The following PCSK2 variants were observed in gnomAD, a reference collection of about 807,000 sequenced individuals.
PCSK2 encodes neuroendocrine convertase 2.
PCSK2 carries 14 observed loss-of-function variants against 69.7 expected under a neutral mutation model. The ratio of observed to expected loss-of-function variants is 0.20; its 90% CI spans 0.13 to 0.31. The LOEUF (loss-of-function observed/expected upper bound fraction) is 0.31, where lower values mean the gene tolerates loss of function less well. PCSK2 is among the 10% of genes least tolerant of loss of function. The probability of loss-of-function intolerance (pLI) is 1.00; values close to 1 mark genes in which losing one functional copy is unlikely to be tolerated. For missense variants in PCSK2, 544 were observed against 842.5 expected, an observed-to-expected ratio of 0.65 and a Z score of 4.39; for synonymous variants, 307 against 320.7, an observed-to-expected ratio of 0.96 and a Z score of 0.46.
At chr20:17,262,626 A>G (rs1987434576) in intron 2 of PCSK2, among the ~76,000 whole-genome samples, 1 of 152,242 alleles carries the variant, frequency 6.6e-6, no homozygotes, top group African/African-American at 2.4e-5. Flanking sequence ...GACTATGAAC[A>G]GTGCAAAGAT....
At chr20:17,464,061 T>C (rs1011125348) in intron 10 of PCSK2, 1 of 152,204 alleles carries the variant, frequency 6.6e-6, no homozygotes, top group Non-Finnish European at 1.5e-5. Flanking sequence ...GTTCCATTCA[T>C]TTTTTAAAAT....
At chr20:17,364,361 A>G (rs917150539) in intron 4 of PCSK2, among the ~76,000 whole-genome samples, 1 of 152,210 alleles carries the variant, frequency 6.6e-6, no homozygotes, top group Non-Finnish European at 1.5e-5. Flanking sequence ...ATAATCCTGT[A>G]TTAGTCCATC....
chr20:17,460,325 G>A (rs1043669564), intron 10 of PCSK2, among the ~76,000 whole-genome samples: 1 of 152,186 alleles, frequency 6.6e-6, no homozygotes, highest in Non-Finnish European at 1.5e-5. Context: ...CCATGTTGAA[G>A]GGGTTTTCCA....
At chr20:17,249,837 G>C (rs188053983) in intron 1 of PCSK2, among the ~76,000 whole-genome samples, 4 of 142,894 alleles carry the variant, frequency 2.8e-5, no homozygotes, top group Non-Finnish European at 6.1e-5. Flanking sequence ...TTCCAGGGCT[G>C]GGGGGGGAAT....
At chr20:17,245,283 CA>C (rs1202470834) in intron 1 of PCSK2, among the ~76,000 whole-genome samples, 1 of 152,190 alleles carries the variant, frequency 6.6e-6, no homozygotes, top group African/African-American at 2.4e-5. Flanking sequence ...ATATCAAACA[CA>C]AGTTCCTTTC....
intron 5 of PCSK2, among the ~76,000 whole-genome samples, chr20:17,390,435 C>G (rs1324199461): frequency 3.9e-5 from 6 of 152,164 alleles, no homozygotes; most frequent in African/African-American, 1.4e-4. Flanking sequence ...TAAAGCACAA[C>G]CTATAAGCAA....
chr20:17,372,713 T>A (rs913411809), intron 5 of PCSK2, among the ~76,000 whole-genome samples: 1 of 152,100 alleles, frequency 6.6e-6, no homozygotes, highest in Non-Finnish European at 1.5e-5. Flanking sequence ...GCTGTGAAAA[T>A]GTTCTGCCTC....
intron 7 of PCSK2, 97 bp from the exon 8 acceptor site, chr20:17,436,611 C>G: frequency 9.7e-7 from 1 of 1,034,544 alleles, no homozygotes; most frequent in Non-Finnish European, 1.4e-6. Context: ...GATCTCCAAC[C>G]ATTCCAAGTA....
chr20:17,283,049 C>G (rs946196095), intron 2 of PCSK2, among the ~76,000 whole-genome samples: 2 of 152,114 alleles, frequency 1.3e-5, no homozygotes, highest in African/African-American at 4.8e-5. Context: ...AACTGATGAA[C>G]CATTTGCCAT....
At chr20:17,269,874 A>G (rs978081783) in intron 2 of PCSK2, among the ~76,000 whole-genome samples, 2 of 152,140 alleles carry the variant, frequency 1.3e-5, no homozygotes, top group African/African-American at 4.8e-5. Context: ...AAAAGAAAAA[A>G]CCTTACCCTC....
intron 2 of PCSK2, among the ~76,000 whole-genome samples, chr20:17,322,708 G>A (rs905539544): frequency 6.6e-6 from 1 of 152,322 alleles, no homozygotes; most frequent in Non-Finnish European, 1.5e-5. Context: ...CTACCACAGG[G>A]AAGGAACACT....
intron 4 of PCSK2, among the ~76,000 whole-genome samples, chr20:17,365,707 C>T (rs922569853): frequency 2.0e-5 from 3 of 152,244 alleles, no homozygotes; most frequent in African/African-American, 7.2e-5. Context: ...ATAAAACATA[C>T]ATTCCCATTC....
intron 2 of PCSK2, among the ~76,000 whole-genome samples, chr20:17,293,213 TATTA>T (rs1390769026): frequency 6.6e-6 from 1 of 152,232 alleles, no homozygotes; most frequent in African/African-American, 2.4e-5. Flanking sequence ...GCTGAACTCT[TATTA>T]ATTAAGGCAC....
At chr20:17,435,200 A>G (rs1447519896) in intron 7 of PCSK2, among the ~76,000 whole-genome samples, 3 of 152,196 alleles carry the variant, frequency 2.0e-5, no homozygotes, top group Admixed American at 1.3e-4. Flanking sequence ...TGGGGAGAAA[A>G]TCAACTAAAT....
chr20:17,328,071 C>T (rs1292084799), intron 2 of PCSK2, among the ~76,000 whole-genome samples: 1 of 152,158 alleles, frequency 6.6e-6, no homozygotes, highest in Non-Finnish European at 1.5e-5. Flanking sequence ...TTCTTACTTC[C>T]TCCTTTAAAG....
At chr20:17,432,006 C>T (rs1047167031) in intron 7 of PCSK2, among the ~76,000 whole-genome samples, 1 of 152,084 alleles carries the variant, frequency 6.6e-6, no homozygotes, top group Non-Finnish European at 1.5e-5. Flanking sequence ...TAGGGGGGCG[C>T]CCCTGTGATG....
At chr20:17,254,019 G>T (rs1350796020) in intron 1 of PCSK2, among the ~76,000 whole-genome samples, 1 of 152,066 alleles carries the variant, frequency 6.6e-6, no homozygotes, top group African/African-American at 2.4e-5. Flanking sequence ...CTTCTTCTTT[G>T]AAGAAATGAT....
chr20:17,419,826 T>C (rs1352339675), intron 6 of PCSK2, among the ~76,000 whole-genome samples: 1 of 152,228 alleles, frequency 6.6e-6, no homozygotes, highest in Non-Finnish European at 1.5e-5. Context: ...AGCATTTCTT[T>C]GACAGGTGTT....
intron 11 of PCSK2, among the ~76,000 whole-genome samples, chr20:17,476,769 A>G (rs1359265550): frequency 2.0e-5 from 3 of 152,230 alleles, no homozygotes; most frequent in Admixed American, 2.0e-4. Flanking sequence ...ATCTTTAGTT[A>G]TTCATCACCT....
Sources: gnomAD v4.1 joint callset for allele counts (sites outside exome capture counted in the v4.1 genomes callset) on GRCh38, gnomAD v4.1.1 for gene constraint, MANE v1.5 for transcripts, NCBI Gene and HGNC (gene_info 2026-07-23, HGNC 2026-07-21) for gene names.